SEC61B: variants seen among roughly 807,000 people sequenced by gnomAD.
SEC61B encodes the protein SEC61 translocon subunit beta, also known as protein transport protein Sec61 subunit beta.
Under a neutral mutation model 12.6 loss-of-function variants are expected in SEC61B, and 7 were observed. That is an observed-to-expected ratio of 0.55 (90% CI 0.32 to 1.04). The LOEUF (loss-of-function observed/expected upper bound fraction) is 1.04. Among genes scored for constraint, SEC61B ranks in the 50% least tolerant of loss-of-function variants. The probability of loss-of-function intolerance (pLI) is 0.05; values close to 1 mark genes in which losing one functional copy is unlikely to be tolerated. For missense variants in SEC61B, 107 were observed against 130.1 expected, an observed-to-expected ratio of 0.82 and a Z score of 0.86; for synonymous variants, 54 against 50.1, an observed-to-expected ratio of 1.08 and a Z score of -0.33.
intron 2 of SEC61B, 189 bp downstream of exon 2, chr9:99,222,832 AG>A: frequency 1.9e-6 from 1 of 522,476 alleles, no homozygotes; most frequent in Non-Finnish European, 3.4e-6. Flanking sequence ...TGCTCAGTTT[AG>A]GGCACTACTC....
intron 3 of SEC61B, among the ~76,000 whole-genome samples, chr9:99,229,965 A>T (rs1828940312): frequency 6.6e-6 from 1 of 152,214 alleles, no homozygotes; most frequent in Admixed American, 6.5e-5. Flanking sequence ...AATTTGAAAA[A>T]AAAAGTTTGG....
intron 3 of SEC61B, among the ~76,000 whole-genome samples, 190 bp from the exon 4 acceptor site, chr9:99,230,144 CCAT>C (rs1828942475): frequency 6.6e-6 from 1 of 152,076 alleles, no homozygotes; most frequent in African/African-American, 2.4e-5. Context: ...AATTGCAGTG[CCAT>C]CATCACACCT....
Position 99,222,336 on chromosome 9 carries a change from T to G in SEC61B, c.-28T>G, listed in dbSNP as rs1021723441. The G allele has an allele frequency of 1.1e-5, 18 of 1,614,168 alleles. No individual in the cohort carries two copies. Among genetic ancestry groups the G allele is most frequent in the Non-Finnish European group, 1.4e-5 (17 of 1,180,008 alleles). Reference sequence around the variant, plus strand: ...CTCCGTAACTTTCTATCCGTCCGCGTCAGCGCCTTGCCACCCTCATCTCCA... The same window carrying G: ...CTCCGTAACTTTCTATCCGTCCGCGGCAGCGCCTTGCCACCCTCATCTCCA... On this transcript the variant is annotated 5_prime_UTR_variant, in exon 1 of 4. Transcript: ENST00000223641.
At chr9:99,224,124 C>T (rs1828870446) in intron 2 of SEC61B, among the ~76,000 whole-genome samples, 1 of 152,196 alleles carries the variant, frequency 6.6e-6, no homozygotes, top group Non-Finnish European at 1.5e-5. Context: ...TGCATGGAAA[C>T]TTCTGAAGGA....
At chr9:99,228,959 G>C (rs2119022364) in intron 3 of SEC61B, among the ~76,000 whole-genome samples, 1 of 152,176 alleles carries the variant, frequency 6.6e-6, no homozygotes, top group African/African-American at 2.4e-5. Flanking sequence ...AGACAAAATT[G>C]AATTAATTTG....
intron 2 of SEC61B, chr9:99,223,256 A>G (rs1828855083): frequency 6.6e-6 from 1 of 151,454 alleles, no homozygotes; most frequent in African/African-American, 2.4e-5. Context: ...TTTGCTTTCC[A>G]GTCCATCGTT....
intron 2 of SEC61B, 77 bp downstream of exon 2, chr9:99,222,720 C>A: frequency 1.9e-6 from 2 of 1,037,688 alleles, no homozygotes; most frequent in Non-Finnish European, 1.4e-6. Flanking sequence ...GGGTGGAGAC[C>A]CTAGCATGTG....
intron 2 of SEC61B, among the ~76,000 whole-genome samples, chr9:99,225,512 A>G (rs964770845): frequency 2.0e-5 from 3 of 152,234 alleles, no homozygotes; most frequent in Admixed American, 6.5e-5. Flanking sequence ...CAGAAGCACC[A>G]TGTTAGAACC....
intron 2 of SEC61B, among the ~76,000 whole-genome samples, chr9:99,227,265 C>CAAAAAAAAA (rs59719935): frequency 9.3e-5 from 1 of 10,740 alleles, no homozygotes; most frequent in Non-Finnish European, 2.0e-4. Flanking sequence ...AACTCCATCT[C>CAAAAAAAAA]AAAAAAAAAA....
chr9:99,222,697 C>G (rs1477616866), intron 2 of SEC61B, 54 bp downstream of exon 2: 12 of 1,229,754 alleles, frequency 9.8e-6, no homozygotes, highest in Non-Finnish European at 1.3e-5. Flanking sequence ...GACCCAGAAC[C>G]TCGCTGATTC....
chr9:99,222,511 C>A (rs1339503257), intron 1 of SEC61B, 35 bp from the exon 2 acceptor site: 1 of 1,601,718 alleles, frequency 6.2e-7, no homozygotes, highest in Non-Finnish European at 8.5e-7. Context: ...AGGCCTGCCG[C>A]GCTCACCCGT....
rs571575455 is a variant in SEC61B at position 99,230,420 on chromosome 9, C to T, written c.287C>T (p.Ser96Leu). The T allele has an allele frequency of 4.4e-6, 7 of 1,599,264 alleles. No individual in the cohort carries two copies. The East Asian group carries it at 6.7e-5, about 15-fold the overall frequency. ...MLHIWGKYTR[S>L] ...CACATTTGGGGCAAGTACACTCGTT[C>T]GTAGATTCAGTTACATCCATCTGTC... The change falls in exon 4 of 4, where the codon TCG (serine) becomes TTG (leucine). Residue 96 changes from serine to leucine, a missense_variant. Ser to Leu is a moderately radical substitution (Grantham distance 145). Coordinates refer to ENST00000223641, the MANE Select transcript of SEC61B (RefSeq NM_006808.3).
chr9:99,228,307 A>T (rs1422075422), intron 3 of SEC61B, among the ~76,000 whole-genome samples: 1 of 152,258 alleles, frequency 6.6e-6, no homozygotes, highest in Non-Finnish European at 1.5e-5. Flanking sequence ...ATTGCTCTTC[A>T]TTTGGTGATC....
Position 99,228,017 on chromosome 9 carries a change from G to A in SEC61B, c.203+17G>A. 1 of 1,592,280 alleles carries A rather than the reference G, an allele frequency of 6.3e-7. No homozygotes were observed. The highest frequency in any genetic ancestry group is 8.6e-7 in the Non-Finnish European group (1 of 1,160,984). ...GCTCAAAGTGTAAGTCTTAGGAACA[G>A]TCCTTGTGTTTCTGTCCAGTGGCAG... On this transcript the variant is annotated intron_variant, in intron 3 of 3. Transcript: ENST00000223641.
intron 2 of SEC61B, among the ~76,000 whole-genome samples, chr9:99,226,127 A>T (rs1347815152): frequency 6.6e-6 from 1 of 152,246 alleles, no homozygotes; most frequent in Non-Finnish European, 1.5e-5. Context: ...TTAAGTTCCC[A>T]GGCTACCACG....
At chr9:99,228,115 A>G in intron 3 of SEC61B, 115 bp downstream of exon 3, 1 of 753,836 alleles carries the variant, frequency 1.3e-6, no homozygotes, top group African/African-American at 1.7e-5. Flanking sequence ...TGTACACAAC[A>G]GCCTCATTTG....
chr9:99,226,437 A>G (rs1055471137), intron 2 of SEC61B, among the ~76,000 whole-genome samples: 24 of 152,178 alleles, frequency 1.6e-4, no homozygotes, highest in Non-Finnish European at 2.6e-4. Context: ...TCTTTTCCGT[A>G]TATGCCCTTC....
intron 2 of SEC61B, among the ~76,000 whole-genome samples, chr9:99,226,165 T>C (rs1828892538): frequency 6.6e-6 from 1 of 152,228 alleles, no homozygotes; most frequent in African/African-American, 2.4e-5. Context: ...GTCTGAAATA[T>C]AATCCTTGTA....
chr9:99,225,932 T>C (rs752081026), intron 2 of SEC61B, among the ~76,000 whole-genome samples: 9 of 152,234 alleles, frequency 5.9e-5, no homozygotes, highest in Non-Finnish European at 1.3e-4. Flanking sequence ...GTTTATCTTC[T>C]AGCTTAAAAT....
Sources: allele counts gnomAD v4.1 joint callset (sites outside exome capture counted in the v4.1 genomes callset), GRCh38; gene constraint gnomAD v4.1.1; transcripts MANE v1.5; gene names NCBI Gene and HGNC (gene_info 2026-07-23, HGNC 2026-07-21).